IL2RB: variants seen among roughly 807,000 people sequenced by gnomAD.
IL2RB encodes interleukin 2 receptor subunit beta.
IL2RB carries 17 observed loss-of-function variants against 44.2 expected under a neutral mutation model. That is an observed-to-expected ratio of 0.38 (90% CI 0.26 to 0.58). The LOEUF (loss-of-function observed/expected upper bound fraction) is 0.58. IL2RB is among the 20% of genes least tolerant of loss of function. The probability of loss-of-function intolerance (pLI) is 0.63; values close to 1 mark genes in which losing one functional copy is unlikely to be tolerated. For synonymous variants in IL2RB, 286 were observed against 297.9 expected (o/e 0.96, Z 0.41); for missense variants, 624 against 685.5 (o/e 0.91, Z 1.00).
At chr22:37,162,835 T>A (rs1922927797) in intron 1 of IL2RB, among the ~76,000 whole-genome samples, 1 of 152,060 alleles carries the variant, frequency 6.6e-6, no homozygotes, top group South Asian at 2.1e-4. Context: ...ATCCTACCCC[T>A]GCCTGCCTAG....
At chr22:37,146,197 C>T (rs894606260) in intron 1 of IL2RB, among the ~76,000 whole-genome samples, 5 of 152,178 alleles carry the variant, frequency 3.3e-5, no homozygotes, top group African/African-American at 1.2e-4. Context: ...CCTCACCAGG[C>T]CAGCCTCGTG....
upstream of IL2RB, among the ~76,000 whole-genome samples, chr22:37,151,850 T>G (rs774351992): frequency 6.6e-6 from 1 of 152,234 alleles, no homozygotes; most frequent in Non-Finnish European, 1.5e-5. Context: ...TTTGGCAATT[T>G]TGTTGAAAAT....
In IL2RB at chr22:37,128,164, G is replaced by T; in HGVS notation, c.1588C>A (p.Pro530Thr). The T allele has an allele frequency of 1.3e-6, 2 of 1,567,548 alleles. No homozygotes were observed. The highest frequency in any genetic ancestry group is 1.2e-5 in the South Asian group (1 of 82,794). ...GEFRALNARLPLNTDAYLSLQ... is the reference protein window; with the variant it reads ...GEFRALNARLTLNTDAYLSLQ... ...GACAAGTAGGCATCAGTGTTCAGGG[G>T]CAGGCGAGCATTAAGGGCCCTGAAC... The change falls in exon 10 of 10, where the codon CCC (proline) becomes ACC (threonine). Residue 530 changes from proline (P) to threonine (T), a missense_variant. By Grantham distance (38) the Pro-to-Thr change is conservative. Coordinates refer to ENST00000216223, the MANE Select transcript of IL2RB (RefSeq NM_000878.5). This position sits in a 1 kb window ranked among gnomAD's most constrained non-coding sequence, Gnocchi z 4.5.
chr22:37,140,286 CATTATTATT>C (rs58127106), intron 4 of IL2RB, among the ~76,000 whole-genome samples: 8,022 of 145,406 alleles, frequency 0.055, 253 homozygotes, highest in African/African-American at 0.087. Context: ...ATAGTAGTCT[CATTATTATT>C]ATTATTATTA....
chr22:37,163,651 G>A (rs575070009), intron 1 of IL2RB, among the ~76,000 whole-genome samples: 16 of 152,254 alleles, frequency 1.1e-4, no homozygotes, highest in African/African-American at 3.9e-4. Context: ...CCTGGCATGA[G>A]GATGCCTTAT....
In IL2RB at chr22:37,136,325, G is replaced by C. The variant is rs375725531; in HGVS notation, c.606C>G (p.Thr202=). 6.2e-7 allele frequency: 1 copy of C among 1,612,984 alleles called. No individual in the cohort carries two copies. The highest frequency in any genetic ancestry group is 1.3e-5 in the African/African-American group (1 of 74,808). Residue 202 remains threonine, a synonymous_variant, in exon 7 of 10, where the codon ACC becomes ACG. Transcript: ENST00000216223. ...WICLETLTPD[T]QYEFQVRVKP... ...TGACCCGCACCTGAAACTCATACTGGGTGTCTGGGGTGAGCGTCTCCAGGC... is the reference window on the plus strand; with the variant it reads ...TGACCCGCACCTGAAACTCATACTGCGTGTCTGGGGTGAGCGTCTCCAGGC...
intron 4 of IL2RB, 86 bp from the exon 5 acceptor site, chr22:37,139,308 G>A: frequency 1.2e-6 from 1 of 867,572 alleles, no homozygotes; most frequent in Non-Finnish European, 1.9e-6. Flanking sequence ...TGGGAAGGAT[G>A]GCAGCCTCTC....
rs116696419 is a variant in IL2RB at position 37,170,530 on chromosome 22, G to A, written c.-34+4428C>T. On this transcript the variant is annotated intron_variant, in intron 1 of 5. Coordinates refer to the IL2RB transcript ENST00000429622. ...CCCAGGGGCTGGGGTAATGACAGGC[G>A]TGGCCTCTTGGGGGTGGACAGTCTA... 5.5e-3 allele frequency among the ~76,000 whole-genome samples: 837 copies of A among 152,244 alleles called. 11 individuals carry two copies. The highest frequency in any genetic ancestry group is 0.024 in the Middle Eastern group (7 of 294).
At chr22:37,140,472 A>G (rs1334762700) in intron 4 of IL2RB, among the ~76,000 whole-genome samples, 1 of 152,078 alleles carries the variant, frequency 6.6e-6, no homozygotes. Flanking sequence ...TTTCCATTCT[A>G]CAGCTGAGGA....
upstream of IL2RB, among the ~76,000 whole-genome samples, chr22:37,154,064 G>A (rs758992520): frequency 3.9e-5 from 6 of 152,184 alleles, no homozygotes; most frequent in Non-Finnish European, 8.8e-5. Flanking sequence ...CCTGAGGCGC[G>A]CAGCCCAGGC....
chr22:37,152,477 T>C (rs529730490), upstream of IL2RB, among the ~76,000 whole-genome samples: 24 of 152,334 alleles, frequency 1.6e-4, no homozygotes, highest in East Asian at 4.2e-3. Context: ...GGTGGCGTTT[T>C]TAGGCTTTTT....
At chr22:37,154,116 C>T (rs1357218221), upstream of IL2RB, among the ~76,000 whole-genome samples, 1 of 152,214 alleles carries the variant, frequency 6.6e-6, no homozygotes, top group Admixed American at 6.5e-5. Flanking sequence ...CCACTCTCCA[C>T]CCTCGTGCCC....
intron 2 of IL2RB, 131 bp from the exon 3 acceptor site, chr22:37,143,766 G>A: frequency 1.4e-6 from 1 of 704,608 alleles, no homozygotes; most frequent in Non-Finnish European, 2.5e-6. Context: ...AAGCGGAGAA[G>A]GGATTCATGG....
intron 2 of IL2RB, 51 bp from the exon 3 acceptor site, chr22:37,143,686 C>T (rs770794307): frequency 1.5e-6 from 2 of 1,306,374 alleles, no homozygotes; most frequent in Non-Finnish European, 2.2e-6. Context: ...CCACAGCCCC[C>T]CCAAGACACG....
At position 37,149,836 on chromosome 22, in the gene IL2RB, A is replaced by T; in HGVS notation, c.-45T>A. 1 of 985,558 alleles carries T rather than the reference A, an allele frequency of 1.0e-6. No individual in the cohort carries two copies. Among genetic ancestry groups the T allele is most frequent in the Non-Finnish European group, 1.2e-6 (1 of 830,094 alleles). The allele number at this position is 985,558 out of a possible 1,614,324, so 61.1% of individuals were successfully genotyped here. On this transcript the variant is annotated 5_prime_UTR_variant, in exon 1 of 10. It removes an upstream start codon present in the reference 5' UTR. Transcript: ENST00000216223. Reference sequence around the variant, plus strand: ...CAGGGGGACATCACCTGGCTGAGACATGGGGCGGTGGCAGCGCGCGCTCTC... The same window carrying T: ...CAGGGGGACATCACCTGGCTGAGACTTGGGGCGGTGGCAGCGCGCGCTCTC...
chr22:37,136,660 G>T (rs1035546959), intron 6 of IL2RB, among the ~76,000 whole-genome samples: 1 of 151,354 alleles, frequency 6.6e-6, no homozygotes, highest in Non-Finnish European at 1.5e-5. Flanking sequence ...TCTCCCCGCC[G>T]CACTCACCCC....
intron 1 of IL2RB, among the ~76,000 whole-genome samples, chr22:37,156,148 G>A (rs1922673500): frequency 6.6e-6 from 1 of 152,140 alleles, no homozygotes; most frequent in African/African-American, 2.4e-5. Context: ...GGTCCACACT[G>A]TAGCCTCCAG....
At chr22:37,164,705 G>C (rs1923009581) in intron 1 of IL2RB, among the ~76,000 whole-genome samples, 1 of 152,078 alleles carries the variant, frequency 6.6e-6, no homozygotes, top group South Asian at 2.1e-4. Context: ...GCCCACCTCA[G>C]AGACACCAGA....
intron 8 of IL2RB, among the ~76,000 whole-genome samples, chr22:37,133,250 T>C (rs1302073570): frequency 6.6e-6 from 1 of 152,070 alleles, no homozygotes; most frequent in Non-Finnish European, 1.5e-5. Flanking sequence ...AGAGGACCTC[T>C]CCCTCTACAG....
Sources: allele counts gnomAD v4.1 joint callset (sites outside exome capture counted in the v4.1 genomes callset), GRCh38; gene constraint gnomAD v4.1.1; non-coding constraint Gnocchi (gnomAD v3.1); transcripts MANE v1.5; gene names NCBI Gene and HGNC (gene_info 2026-07-23, HGNC 2026-07-21).